The following GPC5 variants were observed in gnomAD, a reference collection of about 807,000 sequenced individuals.
GPC5 encodes glypican-5.
In GPC5, 47 loss-of-function variants were observed where a neutral mutation model predicts 53.9. The observed-to-expected ratio is 0.87, with a 90% CI of 0.69 to 1.11. The LOEUF is 1.11. GPC5 is among the 50% of genes most tolerant of loss of function. GPC5 has a pLI of 0.00. For missense variants in GPC5, 748 were observed against 713.1 expected, an observed-to-expected ratio of 1.05 and a Z score of -0.56; for synonymous variants, 286 against 263.3, an observed-to-expected ratio of 1.09 and a Z score of -0.84.
intron 7 of GPC5, among the ~76,000 whole-genome samples, chr13:92,321,399 CT>C: frequency 6.6e-6 from 1 of 152,290 alleles, no homozygotes; most frequent in African/African-American, 2.4e-5. Flanking sequence ...CAAGACCATC[CT>C]GGCCAACATC....
At chr13:91,406,372 A>G (rs979573951) in intron 1 of GPC5, among the ~76,000 whole-genome samples, 1 of 152,170 alleles carries the variant, frequency 6.6e-6, no homozygotes, top group African/African-American at 2.4e-5. Context: ...GATGTTATAT[A>G]AATGGGTTAA....
chr13:92,762,407 A>C (rs552565786), intron 7 of GPC5, among the ~76,000 whole-genome samples: 6 of 152,160 alleles, frequency 3.9e-5, no homozygotes, highest in Non-Finnish European at 7.4e-5. Flanking sequence ...TATAACATAC[A>C]TAAATGGTAA....
At chr13:91,631,333 C>T (rs2034152921) in intron 2 of GPC5, among the ~76,000 whole-genome samples, 1 of 151,968 alleles carries the variant, frequency 6.6e-6, no homozygotes, top group South Asian at 2.1e-4. Flanking sequence ...AGTCTTTCAC[C>T]AAACATATGT....
At chr13:91,811,690 G>T (rs72647267) in intron 5 of GPC5, among the ~76,000 whole-genome samples, 7,394 of 152,176 alleles carry the variant, frequency 0.049, 371 homozygotes, top group East Asian at 0.22. Flanking sequence ...ATAGGTCATT[G>T]ATTTCTCTGG....
chr13:91,508,714 A>T (rs887829618), intron 2 of GPC5, among the ~76,000 whole-genome samples: 14 of 152,220 alleles, frequency 9.2e-5, no homozygotes, highest in Middle Eastern at 3.2e-3. Context: ...CTGACTATAA[A>T]CATATATCTA....
chr13:92,111,809 A>G (rs1414807043), intron 6 of GPC5, among the ~76,000 whole-genome samples: 3 of 152,234 alleles, frequency 2.0e-5, no homozygotes, highest in Non-Finnish European at 2.9e-5. Context: ...ATGCATCAAC[A>G]TAAAGAATCT....
In GPC5 at chr13:92,527,259, G is replaced by GAA. The variant is rs1566277307; in HGVS notation, c.1562-339021_1562-339020dup. 8.3e-4 allele frequency among the ~76,000 whole-genome samples: 102 copies of GAA among 123,074 alleles called. 5 individuals carry two copies. The highest frequency in any genetic ancestry group is 4.0e-3 in the African/African-American group (97 of 24,296). 80.7% of individuals were successfully genotyped at this position (123,074 alleles called of 152,430 possible). On this transcript the variant is annotated intron_variant, in intron 7 of 7. Coordinates refer to ENST00000377067, the MANE Select transcript of GPC5 (RefSeq NM_004466.6). ...AAAGAAAGAAAGAAAGAGAAAGAAA[G>GAA]AAAGAAAGAAAGAAAGAAAGAAAAA...
intron 7 of GPC5, among the ~76,000 whole-genome samples, chr13:92,197,212 AAAAAAAATAATAAGAT>A (rs2042262481): frequency 6.6e-6 from 1 of 151,982 alleles, no homozygotes; most frequent in South Asian, 2.1e-4. Context: ...AAGGATGTGA[AAAAAAAATAATAAGAT>A]AAAAACCCCC....
chr13:91,568,165 G>A (rs889034448), intron 2 of GPC5, among the ~76,000 whole-genome samples: 1 of 152,146 alleles, frequency 6.6e-6, no homozygotes, highest in East Asian at 1.9e-4. Context: ...AAATTACCCA[G>A]CCTCAGATAG....
chr13:91,900,600 G>C (rs2039487694), intron 5 of GPC5, among the ~76,000 whole-genome samples: 1 of 151,974 alleles, frequency 6.6e-6, no homozygotes, highest in Non-Finnish European at 1.5e-5. Flanking sequence ...ATTATCATTT[G>C]CTTTGAATTT....
intron 7 of GPC5, among the ~76,000 whole-genome samples, chr13:92,360,954 G>A (rs1190678971): frequency 6.6e-6 from 1 of 151,726 alleles, no homozygotes; most frequent in African/African-American, 2.4e-5. Flanking sequence ...TAAGAGAGAT[G>A]TGAGCTTGAC....
At chr13:91,446,933 A>T (rs192337897) in intron 1 of GPC5, among the ~76,000 whole-genome samples, 2 of 152,242 alleles carry the variant, frequency 1.3e-5, no homozygotes, top group South Asian at 4.1e-4. Flanking sequence ...GACAGAGAAG[A>T]GACCATGGAA....
At chr13:92,777,848 G>A (rs954845277) in intron 7 of GPC5, among the ~76,000 whole-genome samples, 2 of 152,120 alleles carry the variant, frequency 1.3e-5, no homozygotes, top group Admixed American at 6.5e-5. Flanking sequence ...ATGCCTTCAG[G>A]ACAGGGATTA....
At chr13:92,170,578 C>T (rs548850874) in intron 7 of GPC5, among the ~76,000 whole-genome samples, 1 of 151,682 alleles carries the variant, frequency 6.6e-6, no homozygotes, top group East Asian at 1.9e-4. Context: ...GGCCACTCAG[C>T]CACGCCCAGC....
chr13:91,825,439 C>T (rs894741710), intron 5 of GPC5, among the ~76,000 whole-genome samples: 5 of 151,986 alleles, frequency 3.3e-5, no homozygotes, highest in African/African-American at 1.2e-4. Context: ...ATGAGCTGTC[C>T]GTTTTTATAG....
intron 7 of GPC5, among the ~76,000 whole-genome samples, chr13:92,258,994 G>A (rs1021389599): frequency 6.6e-6 from 1 of 152,166 alleles, no homozygotes; most frequent in East Asian, 1.9e-4. Context: ...CGTCTTGTGA[G>A]ATAGAATGAA....
intron 7 of GPC5, among the ~76,000 whole-genome samples, chr13:92,531,833 AT>A (rs1163327803): frequency 6.6e-6 from 1 of 152,166 alleles, no homozygotes; most frequent in Non-Finnish European, 1.5e-5. Flanking sequence ...TTTGTCATGA[AT>A]TATGTTGTCC....
intron 6 of GPC5, among the ~76,000 whole-genome samples, chr13:91,933,308 T>C (rs1303364274): frequency 6.6e-6 from 1 of 151,968 alleles, no homozygotes; most frequent in Admixed American, 6.6e-5. Context: ...ATGAAATCCT[T>C]GTAACCCAAT....
intron 5 of GPC5, among the ~76,000 whole-genome samples, chr13:91,866,666 C>T (rs941718790): frequency 6.6e-6 from 1 of 152,130 alleles, no homozygotes; most frequent in South Asian, 2.1e-4. Context: ...CCAAATACTC[C>T]TCTTTTCTTT....
Sources: allele counts gnomAD v4.1 joint callset (sites outside exome capture counted in the v4.1 genomes callset), GRCh38; gene constraint gnomAD v4.1.1; transcripts MANE v1.5; gene names NCBI Gene and HGNC (gene_info 2026-07-23, HGNC 2026-07-21).